Variants in TEAD4 observed in about 807,000 individuals in gnomAD.
TEAD4 encodes transcriptional enhancer factor TEF-3.
Under a neutral mutation model 52.4 loss-of-function variants are expected in TEAD4, and 36 were observed. The ratio of observed to expected loss-of-function variants is 0.69; its 90% CI spans 0.53 to 0.91. The LOEUF (loss-of-function observed/expected upper bound fraction) is 0.91, where lower values mean the gene tolerates loss of function less well. Ranked by LOEUF, TEAD4 falls within the 40% of genes least tolerant of loss-of-function variation. The pLI, the probability that TEAD4 is intolerant of heterozygous loss-of-function variation, is 0.00. For missense variants in TEAD4, 508 were observed against 583.9 expected (o/e 0.87, Z 1.34); for synonymous variants, 220 against 231.0 (o/e 0.95, Z 0.43).
chr12:3,020,771 A>G lies in TEAD4; in HGVS notation c.721A>G (p.Thr241Ala). Residue 241 changes from threonine to alanine, a missense_variant and splice_region_variant, in exon 9 of 13, where the codon ACG becomes GCG. Thr to Ala is a moderately conservative substitution (Grantham distance 58, BLOSUM62 0). Transcript: ENST00000359864. ...CCTGGAGCAGCAGCAGGACCCGGACACGGTAGGTCCTGGCCTCTGCCTGTC... is the reference window on the plus strand; with the variant it reads ...CCTGGAGCAGCAGCAGGACCCGGACGCGGTAGGTCCTGGCCTCTGCCTGTC... The G allele has an allele frequency of 6.2e-7, 1 of 1,603,674 alleles. No homozygotes were observed. Among genetic ancestry groups the G allele is most frequent in the South Asian group, 1.1e-5 (1 of 88,918 alleles).
chr12:3,000,438 A>G (rs3825370), intron 3 of TEAD4, among the ~76,000 whole-genome samples: 128,278 of 152,032 alleles, frequency 0.84, 54,820 homozygotes, highest in Non-Finnish European at 0.91. Flanking sequence ...CCCGTGGCGA[A>G]GGGGCCGAGT....
Position 3,019,181 on chromosome 12 carries a change from G to A in TEAD4, c.583+11G>A, listed in dbSNP as rs1050857058. On this transcript the variant is annotated intron_variant, in intron 8 of 12. Coordinates refer to ENST00000359864, the MANE Select transcript of TEAD4 (RefSeq NM_003213.4). ...CGCTGCCTCTGCCAGGTGGGTGGGC[G>A]CTGCGTGGCCCCCTTTCTATCGCAG... 3.1e-6 allele frequency: 5 copies of A among 1,613,348 alleles called. No individual in the cohort carries two copies. The highest frequency in any genetic ancestry group is 2.2e-5 in the South Asian group (2 of 91,084).
Position 3,011,084 on chromosome 12 carries a change from C to A in TEAD4, c.291+16C>A, listed in dbSNP as rs374303555. 1.2e-5 allele frequency: 20 copies of A among 1,613,820 alleles called. No homozygotes were observed. The highest frequency in any genetic ancestry group is 1.6e-5 in the Non-Finnish European group (19 of 1,179,900). On this transcript the variant is annotated intron_variant, in intron 4 of 12. Transcript: ENST00000359864. Reference sequence around the variant, plus strand: ...CAGGAAGCAGGTGGGCCTCAAGAGACGGGTAGGGGTCCCGGGGGTGGTACC... The same window carrying A: ...CAGGAAGCAGGTGGGCCTCAAGAGAAGGGTAGGGGTCCCGGGGGTGGTACC...
chr12:3,033,966 C>CCG (rs2098277633), intron 10 of TEAD4, among the ~76,000 whole-genome samples: 1 of 151,344 alleles, frequency 6.6e-6, no homozygotes, highest in African/African-American at 2.5e-5. Context: ...GGCGGTTCGT[C>CCG]CGTGTCGCCG....
intron 5 of TEAD4, among the ~76,000 whole-genome samples, chr12:3,015,942 G>A (rs373298175): frequency 7.8e-4 from 119 of 152,258 alleles, no homozygotes; most frequent in African/African-American, 2.2e-3. Context: ...CTGGGAGGTC[G>A]AGGCAGGAGG....
chr12:3,009,967 C>T (rs1011393753), intron 3 of TEAD4, among the ~76,000 whole-genome samples: 8 of 152,220 alleles, frequency 5.3e-5, no homozygotes, highest in African/African-American at 1.4e-4. Context: ...CTCACCTCCC[C>T]GGGCATCAGC....
At chr12:3,014,438 AT>A (rs1325027481) in intron 5 of TEAD4, among the ~76,000 whole-genome samples, 1 of 152,090 alleles carries the variant, frequency 6.6e-6, no homozygotes, top group African/African-American at 2.4e-5. Context: ...AAATATGCAA[AT>A]TTTCATGTAT....
chr12:3,040,426 C>T lies in TEAD4; in HGVS notation c.1253C>T (p.Ser418Leu). 1 of 1,614,128 alleles carries T rather than the reference C, an allele frequency of 6.2e-7. No individual in the cohort carries two copies. The highest frequency in any genetic ancestry group is 1.1e-5 in the South Asian group (1 of 91,080). The change falls in exon 13 of 13, where the codon TCA (serine) becomes TTA (leucine). Residue 418 changes from serine to leucine, a missense_variant. Physicochemically the swap from Ser to Leu is moderately radical, Grantham distance 145. Transcript: ENST00000359864. ...TGCATTGCCTATGTCTTTGAGGTGT[C>T]AGCCAGTGAGCACGGGGCTCAGCAC...
At chr12:3,019,819 C>G (rs1453418198) in intron 8 of TEAD4, among the ~76,000 whole-genome samples, 1 of 152,212 alleles carries the variant, frequency 6.6e-6, no homozygotes, top group Non-Finnish European at 1.5e-5. Flanking sequence ...TTCTGTCCCC[C>G]AGGTCCTGAA....
intron 3 of TEAD4, among the ~76,000 whole-genome samples, chr12:3,004,658 A>C (rs2098254413): frequency 6.6e-6 from 1 of 152,172 alleles, no homozygotes; most frequent in South Asian, 2.1e-4. Flanking sequence ...TGTTGTGAGG[A>C]TCGAAAGGGT....
chr12:2,975,356 CATT>C (rs58872768), intron 2 of TEAD4, among the ~76,000 whole-genome samples: 7,323 of 147,732 alleles, frequency 0.05, 286 homozygotes, highest in East Asian at 0.11. Context: ...AATATCGGCA[CATT>C]ATTATTATTA....
intron 3 of TEAD4, among the ~76,000 whole-genome samples, chr12:3,005,069 C>G (rs2098254757): frequency 1.3e-5 from 2 of 152,176 alleles, no homozygotes. Flanking sequence ...ACAACTTTAA[C>G]AAATACAAAC....
intron 8 of TEAD4, 118 bp from the exon 9 acceptor site, chr12:3,020,516 A>T: frequency 7.9e-7 from 1 of 1,264,286 alleles, no homozygotes; most frequent in Non-Finnish European, 1.0e-6. Context: ...ATTTAGGGAG[A>T]CAGGCGGTCC....
intron 2 of TEAD4, among the ~76,000 whole-genome samples, chr12:2,973,582 G>A (rs1411013785): frequency 1.3e-5 from 2 of 152,192 alleles, no homozygotes; most frequent in Non-Finnish European, 2.9e-5. Context: ...GGTACACCTA[G>A]AGAATGACAT....
chr12:2,966,450 C>CG (rs1186406337), intron 2 of TEAD4, among the ~76,000 whole-genome samples: 7 of 148,520 alleles, frequency 4.7e-5, no homozygotes, highest in African/African-American at 7.6e-5. Flanking sequence ...CTTGCTCTGT[C>CG]ACCAGGCTGG....
intron 10 of TEAD4, among the ~76,000 whole-genome samples, chr12:3,023,820 T>A (rs1409830761): frequency 1.3e-5 from 2 of 149,782 alleles, no homozygotes; most frequent in African/African-American, 2.4e-5. Flanking sequence ...AAAAGCATCA[T>A]ATTCTTGTCC....
At chr12:2,980,827 G>A (rs1257586990) in intron 2 of TEAD4, among the ~76,000 whole-genome samples, 1 of 152,164 alleles carries the variant, frequency 6.6e-6, no homozygotes, top group Non-Finnish European at 1.5e-5. Context: ...TTGGGAGGGC[G>A]AGGCGGGCAG....
chr12:2,980,321 T>G (rs1012638308), intron 2 of TEAD4, among the ~76,000 whole-genome samples: 1 of 152,142 alleles, frequency 6.6e-6, no homozygotes, highest in African/African-American at 2.4e-5. Flanking sequence ...AGAGATGAAC[T>G]TCTCTAGCTC....
chr12:3,000,973 C>T (rs1257909021), intron 3 of TEAD4, among the ~76,000 whole-genome samples: 1 of 152,230 alleles, frequency 6.6e-6, no homozygotes, highest in African/African-American at 2.4e-5. Context: ...GCCTCATTTG[C>T]AGGATTCTCT....
Sources: allele counts gnomAD v4.1 joint callset (sites outside exome capture counted in the v4.1 genomes callset), GRCh38; gene constraint gnomAD v4.1.1; transcripts MANE v1.5; gene names NCBI Gene and HGNC (gene_info 2026-07-23, HGNC 2026-07-21).